CSMD1: variants seen among roughly 807,000 people sequenced by gnomAD.
CSMD1 encodes CUB and Sushi multiple domains 1.
In CSMD1, 213 loss-of-function variants were observed where a neutral mutation model predicts 417.5. That is an observed-to-expected ratio of 0.51 (90% CI 0.46 to 0.57). The LOEUF (loss-of-function observed/expected upper bound fraction) is 0.57. CSMD1 is among the 20% of genes least tolerant of loss of function. The pLI, the probability that CSMD1 is intolerant of heterozygous loss-of-function variation, is 0.00. For synonymous variants in CSMD1, 2,862 were observed against 1,736.8 expected, an observed-to-expected ratio of 1.65 and a Z score of -16.11; for missense variants, 6,923 against 4,529.7, an observed-to-expected ratio of 1.53 and a Z score of -15.17.
chr8:2,957,574 C>G, intron 63 of CSMD1, 122 bp downstream of exon 63: 3 of 688,372 alleles, frequency 4.4e-6, no homozygotes, highest in Non-Finnish European at 5.0e-6. Context: ...TTGAGGACAT[C>G]CGAAAATTTA....
chr8:4,196,135 C>T (rs1015958011), intron 3 of CSMD1, among the ~76,000 whole-genome samples: 1 of 151,932 alleles, frequency 6.6e-6, no homozygotes, highest in Non-Finnish European at 1.5e-5. Context: ...GGCTTGAACC[C>T]GGGAAGTGGA....
chr8:4,756,969 G>A (rs904079028), intron 1 of CSMD1, among the ~76,000 whole-genome samples: 3 of 152,204 alleles, frequency 2.0e-5, no homozygotes, highest in African/African-American at 7.2e-5. Flanking sequence ...CACATAAGCT[G>A]GTGAGGAAAG....
At chr8:3,525,653 G>C (rs895441108) in intron 10 of CSMD1, among the ~76,000 whole-genome samples, 3 of 152,114 alleles carry the variant, frequency 2.0e-5, no homozygotes, top group African/African-American at 4.8e-5. Context: ...ATCTCATCAT[G>C]ATAGCAATCA....
chr8:4,504,593 G>A (rs1001078012), intron 2 of CSMD1, among the ~76,000 whole-genome samples: 2 of 151,996 alleles, frequency 1.3e-5, no homozygotes, highest in South Asian at 4.2e-4. Flanking sequence ...TTTAAGCCTC[G>A]CATGCATTAG....
Position 3,181,098 on chromosome 8 carries a change from A to T in CSMD1, c.5725+12T>A. On this transcript the variant is annotated intron_variant, in intron 37 of 69. Coordinates refer to ENST00000635120, the MANE Select transcript of CSMD1 (RefSeq NM_033225.6). ...AACAGTGGAAGCTGTATACAGAAAG[A>T]GTTGACCTTACTTTTGTATTCCAGG... 6.4e-7 allele frequency: 1 copy of T among 1,564,930 alleles called. No individual in the cohort carries two copies. The highest frequency in any genetic ancestry group is 8.8e-7 in the Non-Finnish European group (1 of 1,135,718).
intron 3 of CSMD1, among the ~76,000 whole-genome samples, chr8:4,204,803 G>C (rs1291903723): frequency 6.6e-6 from 1 of 151,488 alleles, no homozygotes; most frequent in African/African-American, 2.4e-5. Flanking sequence ...CACAGGCACA[G>C]GTCAGCACAC....
chr8:3,644,878 T>C (rs1327580460), intron 7 of CSMD1, among the ~76,000 whole-genome samples: 1 of 147,836 alleles, frequency 6.8e-6, no homozygotes. Flanking sequence ...TGGGTGCATC[T>C]GCCATGCAGT....
intron 8 of CSMD1, among the ~76,000 whole-genome samples, chr8:3,615,071 A>C (rs899016827): frequency 6.6e-6 from 1 of 152,202 alleles, no homozygotes; most frequent in African/African-American, 2.4e-5. Flanking sequence ...AATGACTTCA[A>C]ATGACTGCTG....
chr8:3,791,739 C>T (rs887311565), intron 5 of CSMD1, among the ~76,000 whole-genome samples: 3 of 152,224 alleles, frequency 2.0e-5, no homozygotes, highest in African/African-American at 7.2e-5. Flanking sequence ...AAGAGAATCG[C>T]TTGAGCCTGG....
intron 4 of CSMD1, among the ~76,000 whole-genome samples, chr8:4,028,692 A>G: frequency 6.6e-6 from 1 of 152,192 alleles, no homozygotes; most frequent in East Asian, 1.9e-4. Context: ...ACCTTTTGCA[A>G]ATTAAAACTC....
chr8:4,441,869 GTTATT>G (rs1798503603), intron 2 of CSMD1, among the ~76,000 whole-genome samples: 1 of 152,148 alleles, frequency 6.6e-6, no homozygotes, highest in South Asian at 2.1e-4. Context: ...AAAGATTTGA[GTTATT>G]TTAAAGTATG....
At chr8:4,990,261 C>G (rs755264451) in intron 1 of CSMD1, among the ~76,000 whole-genome samples, 13 of 152,136 alleles carry the variant, frequency 8.5e-5, no homozygotes, top group Non-Finnish European at 1.3e-4. Flanking sequence ...CTGAACAGTT[C>G]TGATTTGAAG....
intron 1 of CSMD1, among the ~76,000 whole-genome samples, chr8:4,704,207 A>G (rs2116832572): frequency 6.6e-6 from 1 of 152,358 alleles, no homozygotes; most frequent in Admixed American, 6.5e-5. Flanking sequence ...CGCTGGTAGC[A>G]CCTTACATTG....
intron 6 of CSMD1, among the ~76,000 whole-genome samples, chr8:3,746,997 C>T (rs1431571147): frequency 6.6e-6 from 1 of 152,174 alleles, no homozygotes; most frequent in East Asian, 1.9e-4. Context: ...CGAAAAAGTT[C>T]CTCCTTTCAT....
At chr8:3,101,192 T>G (rs1815712483) in intron 46 of CSMD1, among the ~76,000 whole-genome samples, 1 of 152,044 alleles carries the variant, frequency 6.6e-6, no homozygotes, top group Admixed American at 6.6e-5. Context: ...CTGATTTAAT[T>G]TACCACCTCT....
chr8:4,727,775 T>A (rs1416290558), intron 1 of CSMD1, among the ~76,000 whole-genome samples: 1 of 151,734 alleles, frequency 6.6e-6, no homozygotes, highest in East Asian at 1.9e-4. Context: ...GCTCTCTGCT[T>A]CCAGGTGCTA....
At chr8:4,796,693 A>G (rs1247389674) in intron 1 of CSMD1, among the ~76,000 whole-genome samples, 1 of 152,168 alleles carries the variant, frequency 6.6e-6, no homozygotes, top group Non-Finnish European at 1.5e-5. Flanking sequence ...GGACTCATCC[A>G]TTGACCATTT....
At chr8:3,997,777 G>A (rs1815327921) in intron 5 of CSMD1, 126 bp downstream of exon 5, 1 of 808,072 alleles carries the variant, frequency 1.2e-6, no homozygotes, top group Non-Finnish European at 1.9e-6. Flanking sequence ...AAAAGAGCAA[G>A]GCGAAAAAAG....
At chr8:4,704,769 G>T (rs1251545077) in intron 1 of CSMD1, among the ~76,000 whole-genome samples, 1 of 152,192 alleles carries the variant, frequency 6.6e-6, no homozygotes, top group Non-Finnish European at 1.5e-5. Context: ...GTCGAGGCAG[G>T]AGAAAGGGAG....
Sources: allele counts gnomAD v4.1 joint callset (sites outside exome capture counted in the v4.1 genomes callset), GRCh38; gene constraint gnomAD v4.1.1; transcripts MANE v1.5; gene names NCBI Gene and HGNC (gene_info 2026-07-23, HGNC 2026-07-21).